The following DCLK1 variants were observed in gnomAD, a reference collection of about 807,000 sequenced individuals.
The protein encoded by DCLK1 is serine/threonine-protein kinase DCLK1.
DCLK1 carries 16 observed loss-of-function variants against 86.2 expected under a neutral mutation model. The ratio of observed to expected loss-of-function variants is 0.19; its 90% CI spans 0.13 to 0.28. The LOEUF (loss-of-function observed/expected upper bound fraction) is 0.28. DCLK1 is among the 10% of genes least tolerant of loss of function. The pLI is 1.00. For missense variants in DCLK1, 590 were observed against 940.2 expected, an observed-to-expected ratio of 0.63 and a Z score of 4.87; for synonymous variants, 369 against 370.5, an observed-to-expected ratio of 1.00 and a Z score of 0.05.
chr13:36,022,030 T>C lies in DCLK1; in HGVS notation c.724-74573A>G, dbSNP rs549969436. Among the ~76,000 whole-genome samples, 9 of 152,076 alleles carry C rather than the reference T, an allele frequency of 5.9e-5. No individual in the cohort carries two copies. In the South Asian group the frequency reaches 1.9e-3, roughly 32 times the overall value. The stretch of plus-strand genomic sequence containing the variant: ...AAATGATAGACCATGTATTAAGCCA[T>C]AAAATAAACTTTGATAAATATAAAA... On this transcript the variant is annotated intron_variant, in intron 3 of 16. Transcript: ENST00000360631.
In DCLK1 at chr13:36,111,910, A is replaced by T. The variant is rs754353941; in HGVS notation, c.682T>A (p.Ser228Thr). 1 of 1,614,164 alleles carries T rather than the reference A, an allele frequency of 6.2e-7. No homozygotes were observed. The highest frequency in any genetic ancestry group is 1.1e-5 in the South Asian group (1 of 91,082). ...GTGTACAGGCGTTTCACCACTCCCGAGTCCAGCTTGATGGCATCGGTGATA... is the reference window on the plus strand; with the variant it reads ...GTGTACAGGCGTTTCACCACTCCCGTGTCCAGCTTGATGGCATCGGTGATA... ...TDITDAIKLD[S>T]GVVKRLYTLD... The change falls in exon 3 of 17, where the codon TCG becomes ACG. Residue 228 changes from serine to threonine, a missense_variant. Ser to Thr is a moderately conservative substitution (Grantham distance 58, BLOSUM62 1). Around this residue, in one of 6 missense-constraint regions of DCLK1, gnomAD observed 195 missense variants for 365.1 expected, o/e 0.53. Transcript: ENST00000360631.
At chr13:35,936,962 C>CTTTTTTTTTTT (rs140269668) in intron 4 of DCLK1, among the ~76,000 whole-genome samples, 2 of 65,736 alleles carry the variant, frequency 3.0e-5, no homozygotes, top group East Asian at 6.2e-4. Context: ...GAAAAGTTAG[C>CTTTTTTTTTTT]TTTTTTTTTT....
chr13:35,838,520 C>A (rs1376328907), intron 7 of DCLK1, among the ~76,000 whole-genome samples: 11 of 152,062 alleles, frequency 7.2e-5, no homozygotes, highest in Non-Finnish European at 1.6e-4. Context: ...AATGCTTGTC[C>A]AAAACAATCC....
chr13:35,830,457 G>A (rs564145282), intron 8 of DCLK1, among the ~76,000 whole-genome samples: 1 of 152,296 alleles, frequency 6.6e-6, no homozygotes, highest in African/African-American at 2.4e-5. Flanking sequence ...CTTCATTGTA[G>A]AAGCTCTATA....
intron 16 of DCLK1, among the ~76,000 whole-genome samples, chr13:35,782,518 C>T (rs1427522136): frequency 2.0e-5 from 3 of 152,090 alleles, no homozygotes; most frequent in Non-Finnish European, 4.4e-5. Context: ...CCATTTTAAC[C>T]TTGCCAAAAA....
chr13:36,065,926 T>C (rs971167840), intron 3 of DCLK1, among the ~76,000 whole-genome samples: 2 of 152,280 alleles, frequency 1.3e-5, no homozygotes, highest in African/African-American at 4.8e-5. Context: ...ACAACGGCAA[T>C]GGTAACAGCA....
intron 4 of DCLK1, among the ~76,000 whole-genome samples, chr13:35,940,677 T>C (rs1166331562): frequency 6.6e-6 from 1 of 152,196 alleles, no homozygotes. Flanking sequence ...TTGGTTCTTC[T>C]ACAGGTGGTT....
rs553164645 is a variant in DCLK1 at position 35,940,949 on chromosome 13, G to A, written c.823+6409C>T. 1.2e-4 allele frequency among the ~76,000 whole-genome samples: 18 copies of A among 152,170 alleles called. 2 individuals are homozygous for A. In the South Asian group the frequency reaches 3.7e-3, roughly 32 times the overall value. ...AGCTGAGGTGTCATTCCCCAGCATC[G>A]TTCACTGGGTAATAAGGAACACAGT... On this transcript the variant is annotated intron_variant, in intron 4 of 16. Coordinates refer to ENST00000360631, the MANE Select transcript of DCLK1 (RefSeq NM_001330071.2).
intron 4 of DCLK1, among the ~76,000 whole-genome samples, chr13:35,935,037 T>C (rs1435968071): frequency 1.3e-5 from 2 of 152,106 alleles, no homozygotes; most frequent in South Asian, 2.1e-4. Flanking sequence ...ATGGTGATGT[T>C]TGACTTGAAC....
intron 5 of DCLK1, chr13:35,868,965 A>G (rs1302133492): frequency 5.6e-6 from 2 of 359,614 alleles, no homozygotes; most frequent in South Asian, 2.1e-5. Context: ...TAATTTTTGT[A>G]TTTTTAGTAG....
chr13:35,981,412 C>T (rs759569261), intron 3 of DCLK1, among the ~76,000 whole-genome samples: 5 of 152,116 alleles, frequency 3.3e-5, no homozygotes, highest in Admixed American at 6.5e-5. Context: ...TCCCCACACA[C>T]AGACAGCCTC....
chr13:35,864,654 CTTT>C (rs759910103), intron 5 of DCLK1, among the ~76,000 whole-genome samples: 33 of 112,580 alleles, frequency 2.9e-4, no homozygotes, highest in East Asian at 2.5e-3. Flanking sequence ...TTTCTTCTCT[CTTT>C]TTTTTTTTTT....
intron 3 of DCLK1, among the ~76,000 whole-genome samples, chr13:36,094,922 G>T (rs1566679031): frequency 6.6e-6 from 1 of 152,182 alleles, no homozygotes; most frequent in East Asian, 1.9e-4. Context: ...AAGGAAGCAG[G>T]AGTGAGGAAG....
Position 35,771,921 on chromosome 13 carries a change from T to C in DCLK1, c.*2614A>G, listed in dbSNP as rs1434934331. 1.3e-5 allele frequency: 2 copies of C among 152,202 alleles called. No individual in the cohort carries two copies. Among genetic ancestry groups the C allele is most frequent in the African/African-American group, 2.4e-5 (1 of 41,450 alleles). 9.4% of individuals were successfully genotyped at this position (152,202 alleles called of 1,614,324 possible). On this transcript the variant is annotated 3_prime_UTR_variant, in exon 17 of 17. Transcript: ENST00000360631. ...TTTCAAACTTGAACTATCCCAAGAA[T>C]GTCGAGAAAAAAATTAGAAAGCACT...
At chr13:35,983,953 T>A (rs775392104) in intron 3 of DCLK1, among the ~76,000 whole-genome samples, 20 of 152,088 alleles carry the variant, frequency 1.3e-4, no homozygotes, top group Non-Finnish European at 2.6e-4. Flanking sequence ...GAAATCTGGG[T>A]TTGACTTGAC....
chr13:36,068,977 G>C (rs923853568), intron 3 of DCLK1, among the ~76,000 whole-genome samples: 7 of 152,172 alleles, frequency 4.6e-5, no homozygotes, highest in African/African-American at 1.2e-4. Flanking sequence ...AAAAGTTATA[G>C]CTTTACATTT....
rs748125069 is a variant in DCLK1, at chr13:36,125,900, G to T, written c.238C>A (p.Arg80=). Residue 80 remains arginine (R), a synonymous_variant, in exon 2 of 17, where the codon CGG becomes AGG. Coordinates refer to ENST00000360631, the MANE Select transcript of DCLK1 (RefSeq NM_001330071.2). The stretch of plus-strand genomic sequence containing the variant: ...AGCAGGGCCTCAAAAGATCGGAACC[G>T]GTCTGGGGAGATGGCATACACAATC... ...KGIVYAISPD[R]FRSFEALLAD... is the part of the protein sequence containing the mutation. 6.2e-7 allele frequency: 1 copy of T among 1,614,180 alleles called. No individual in the cohort carries two copies. Among genetic ancestry groups the T allele is most frequent in the South Asian group, 1.1e-5 (1 of 91,078 alleles).
At chr13:35,775,742 G>A (rs906736951) in intron 16 of DCLK1, among the ~76,000 whole-genome samples, 5 of 152,146 alleles carry the variant, frequency 3.3e-5, no homozygotes, top group African/African-American at 1.2e-4. Context: ...AGGGATATAT[G>A]CCACCATTTT....
chr13:35,856,211 C>A (rs1871044294), intron 5 of DCLK1, among the ~76,000 whole-genome samples: 1 of 152,142 alleles, frequency 6.6e-6, no homozygotes, highest in Non-Finnish European at 1.5e-5. Context: ...AACTGGAAAG[C>A]TGAGAATGCT....
Sources: gnomAD v4.1 joint callset for allele counts (sites outside exome capture counted in the v4.1 genomes callset) on GRCh38, gnomAD v4.1.1 for gene constraint, gnomAD v4.1.1 regional missense constraint, MANE v1.5 for transcripts, NCBI Gene and HGNC (gene_info 2026-07-23, HGNC 2026-07-21) for gene names.